Variants in TIAM1 observed in about 807,000 individuals in gnomAD.
The protein encoded by TIAM1 is rho guanine nucleotide exchange factor TIAM1.
In TIAM1, 65 loss-of-function variants were observed where a neutral mutation model predicts 163.5. That is an observed-to-expected ratio of 0.40 (90% CI 0.33 to 0.49). The LOEUF (loss-of-function observed/expected upper bound fraction) is 0.49, where lower values mean the gene tolerates loss of function less well. Among genes scored for constraint, TIAM1 ranks in the 20% least tolerant of loss-of-function variants. The pLI is 0.77. For missense variants in TIAM1, 1,789 were observed against 2,044.7 expected (o/e 0.87, Z 2.41); for synonymous variants, 833 against 810.1 (o/e 1.03, Z -0.48).
At chr21:31,273,903 T>C (rs2073175557) in intron 3 of TIAM1, among the ~76,000 whole-genome samples, 1 of 152,238 alleles carries the variant, frequency 6.6e-6, no homozygotes, top group South Asian at 2.1e-4. Context: ...AAGATCATTA[T>C]GAACATCAAT....
chr21:31,401,912 T>TA (rs113662353), intron 2 of TIAM1, among the ~76,000 whole-genome samples: 2,043 of 136,804 alleles, frequency 0.015, 49 homozygotes, highest in African/African-American at 0.043. Context: ...CTCTATCTCT[T>TA]AAAAAAAAAA....
intron 1 of TIAM1, among the ~76,000 whole-genome samples, chr21:31,464,907 G>A (rs1028362490): frequency 2.0e-5 from 3 of 151,574 alleles, no homozygotes; most frequent in East Asian, 2.0e-4. Flanking sequence ...CACTTTGAGA[G>A]GCTGAGACAC....
intron 2 of TIAM1, among the ~76,000 whole-genome samples, chr21:31,420,774 C>T (rs2043539525): frequency 6.6e-6 from 1 of 152,140 alleles, no homozygotes; most frequent in Admixed American, 6.6e-5. Flanking sequence ...TTCACATCCA[C>T]TCAGAACTTC....
chr21:31,302,588 T>C (rs2074546785), intron 2 of TIAM1, among the ~76,000 whole-genome samples: 1 of 152,192 alleles, frequency 6.6e-6, no homozygotes, highest in Non-Finnish European at 1.5e-5. Context: ...GTAATCCATG[T>C]TTTCACACTA....
In TIAM1 at chr21:31,120,298, G is replaced by A. The variant is rs1481308696; in HGVS notation, c.*70C>T. The A allele has an allele frequency of 1.4e-5, 20 of 1,441,566 alleles. No individual in the cohort carries two copies. The South Asian group carries it at 1.7e-4, about 12-fold the overall frequency. 89.3% of individuals were successfully genotyped at this position (1,441,566 alleles called of 1,614,324 possible). On this transcript the variant is annotated 3_prime_UTR_variant, in exon 28 of 28. Coordinates refer to ENST00000541036, the MANE Select transcript of TIAM1 (RefSeq NM_001353694.2). The surrounding 1 kb of genome is among the most constrained non-coding windows in gnomAD (Gnocchi z 4.2). Reference sequence around the variant, plus strand: ...GACCTAAGGGGACATTCTTGTCGACGGTACAGGAGGGTGGGCAGAGTTAGG... The same window carrying A: ...GACCTAAGGGGACATTCTTGTCGACAGTACAGGAGGGTGGGCAGAGTTAGG...
chr21:31,321,115 G>A (rs879320145), intron 2 of TIAM1, among the ~76,000 whole-genome samples: 23 of 151,830 alleles, frequency 1.5e-4, no homozygotes, highest in Admixed American at 1.5e-3. Context: ...TTGTGCTACC[G>A]CGCTCCAGCC....
rs112039459 is a variant in TIAM1, at chr21:31,195,259, T to C, written c.2540A>G (p.His847Arg). ...EICPKVTQSI[H>R]IEKSDTAADT... ...AGCAGCTGTATCTGACTTCTCAATG[T>C]GGATGCTCTGAGTGACTTTTGGACA... The change falls in exon 13 of 28, where the codon CAC becomes CGC. Residue 847 changes from histidine (H) to arginine (R), a missense_variant. This residue lies in a region of TIAM1 where 456 missense variants were observed against 586.6 expected (regional missense o/e 0.78). Transcript: ENST00000541036. The C allele has an allele frequency of 9.3e-6, 15 of 1,613,726 alleles. No individual in the cohort carries two copies. Among genetic ancestry groups the C allele is most frequent in the South Asian group, 1.1e-5 (1 of 91,070 alleles).
At chr21:31,152,993 C>T in intron 18 of TIAM1, 73 bp downstream of exon 18, 1 of 1,414,070 alleles carries the variant, frequency 7.1e-7, no homozygotes, top group South Asian at 1.2e-5. Context: ...TACGCATGTC[C>T]CCATTTTTCC....
intron 16 of TIAM1, among the ~76,000 whole-genome samples, chr21:31,161,788 C>T (rs2833314): frequency 6.6e-6 from 1 of 152,148 alleles, no homozygotes; most frequent in East Asian, 1.9e-4. Flanking sequence ...CTAAATCATG[C>T]TTCCGAGTTT....
chr21:31,378,136 CA>C (rs367907079), intron 2 of TIAM1, among the ~76,000 whole-genome samples: 1,111 of 48,160 alleles, frequency 0.023, 8 homozygotes, highest in Middle Eastern at 0.061. Context: ...AACTCTGTCT[CA>C]AAAAAAAAAA....
chr21:31,344,070 C>G (rs1233449976), intron 1 of TIAM1, 68 bp downstream of exon 1: 1 of 152,250 alleles, frequency 6.6e-6, no homozygotes, highest in Non-Finnish European at 1.5e-5. Context: ...CATTCGGCTG[C>G]CTCCCCTGAC....
intron 6 of TIAM1, among the ~76,000 whole-genome samples, chr21:31,233,480 A>G (rs1488559004): frequency 1.3e-5 from 2 of 152,126 alleles, no homozygotes; most frequent in East Asian, 3.9e-4. Flanking sequence ...GGCTGAGGTG[A>G]GATCACTTGA....
chr21:31,423,783 T>A (rs1324134226), intron 2 of TIAM1, among the ~76,000 whole-genome samples: 5 of 140,436 alleles, frequency 3.6e-5, no homozygotes, highest in Non-Finnish European at 7.5e-5. Flanking sequence ...ACCACACATT[T>A]TATGATCCCA....
chr21:31,382,657 T>C (rs1409868627), intron 2 of TIAM1, among the ~76,000 whole-genome samples: 1 of 152,212 alleles, frequency 6.6e-6, no homozygotes, highest in Non-Finnish European at 1.5e-5. Context: ...TGCTTTTTCT[T>C]TTGACAGTTT....
chr21:31,439,048 A>T (rs2284514), intron 2 of TIAM1, among the ~76,000 whole-genome samples: 80,641 of 152,068 alleles, frequency 0.53, 21,632 homozygotes, highest in South Asian at 0.64. Flanking sequence ...TATAATCACT[A>T]GGTAGCGATT....
intron 15 of TIAM1, among the ~76,000 whole-genome samples, chr21:31,179,468 T>A (rs1407863474): frequency 6.6e-6 from 1 of 151,974 alleles, no homozygotes; most frequent in African/African-American, 2.4e-5. Context: ...GTCATAGTTA[T>A]TATCAAACTT....
chr21:31,122,670 G>A (rs1368416197), intron 27 of TIAM1, among the ~76,000 whole-genome samples: 3 of 152,168 alleles, frequency 2.0e-5, no homozygotes, highest in African/African-American at 2.4e-5. Flanking sequence ...ATTGGCAAAC[G>A]TATAGTACTT....
At chr21:31,130,406 C>T (rs1030664511) in intron 24 of TIAM1, 91 bp from the exon 25 acceptor site, 13 of 1,021,184 alleles carry the variant, frequency 1.3e-5, no homozygotes, top group East Asian at 9.6e-5. Context: ...CAGACTCTCA[C>T]GCAGTAACTC....
chr21:31,433,670 T>C (rs1347919821), intron 2 of TIAM1, among the ~76,000 whole-genome samples: 3 of 152,224 alleles, frequency 2.0e-5, no homozygotes, highest in Admixed American at 6.5e-5. Context: ...AGGGTGGTAA[T>C]TGACTTATAC....
Sources: allele counts gnomAD v4.1 joint callset (sites outside exome capture counted in the v4.1 genomes callset), GRCh38; gene constraint gnomAD v4.1.1; regional missense constraint gnomAD v4.1.1; non-coding constraint Gnocchi (gnomAD v3.1); transcripts MANE v1.5; gene names NCBI Gene and HGNC (gene_info 2026-07-23, HGNC 2026-07-21).